Variants in RGS6 observed in about 807,000 individuals in gnomAD.
RGS6 encodes the protein regulator of G protein signaling 6.
In RGS6, 30 loss-of-function variants were observed where a neutral mutation model predicts 78.5. The observed-to-expected ratio is 0.38, with a 90% confidence interval of 0.29 to 0.52. The LOEUF (loss-of-function observed/expected upper bound fraction) is 0.52. RGS6 is among the 20% of genes least tolerant of loss of function. RGS6 has a pLI of 0.85. For synonymous variants in RGS6, 206 were observed against 206.0 expected (o/e 1.00, Z 0.00); for missense variants, 495 against 609.7 (o/e 0.81, Z 1.98).
At chr14:72,527,120 A>G (rs1266233450) in intron 15 of RGS6, among the ~76,000 whole-genome samples, 3 of 152,206 alleles carry the variant, frequency 2.0e-5, no homozygotes, top group Non-Finnish European at 4.4e-5. Flanking sequence ...CTGCCTGTTA[A>G]GTGAGAAACC....
At chr14:71,938,618 A>G (rs2089964087) in intron 1 of RGS6, among the ~76,000 whole-genome samples, 1 of 152,186 alleles carries the variant, frequency 6.6e-6, no homozygotes, top group African/African-American at 2.4e-5. Context: ...GACCATGGGC[A>G]CTTGAGCCAC....
intron 17 of RGS6, chr14:72,547,512 A>G (rs1469810620): frequency 3.2e-6 from 2 of 632,208 alleles, no homozygotes; most frequent in African/African-American, 3.7e-5. Flanking sequence ...GAAGGAGGCC[A>G]GGATACCTGT....
intron 2 of RGS6, among the ~76,000 whole-genome samples, chr14:72,342,744 A>C (rs2077273076): frequency 6.6e-6 from 1 of 151,582 alleles, no homozygotes; most frequent in Admixed American, 6.6e-5. Context: ...AAAAAAAAAA[A>C]AAAAAAGTTC....
chr14:72,456,238 G>A (rs957140176), intron 4 of RGS6, among the ~76,000 whole-genome samples: 2 of 152,186 alleles, frequency 1.3e-5, no homozygotes, highest in Admixed American at 6.5e-5. Flanking sequence ...GAAACAGTCA[G>A]ATCCAGCATC....
At chr14:72,000,556 G>A (rs766116541) in intron 2 of RGS6, among the ~76,000 whole-genome samples, 7 of 152,178 alleles carry the variant, frequency 4.6e-5, no homozygotes, top group Non-Finnish European at 8.8e-5. Context: ...CTCTGAGGGA[G>A]TGTGTACAGT....
intron 2 of RGS6, among the ~76,000 whole-genome samples, chr14:72,113,285 T>C (rs923448526): frequency 2.0e-5 from 3 of 152,216 alleles, no homozygotes; most frequent in African/African-American, 7.2e-5. Flanking sequence ...GTATTATCAG[T>C]CCCTTTTTCC....
chr14:71,987,648 T>C (rs542582145), intron 2 of RGS6, among the ~76,000 whole-genome samples: 3 of 152,096 alleles, frequency 2.0e-5, no homozygotes, highest in African/African-American at 4.8e-5. Context: ...AGCCTTCCCA[T>C]AGCTGGGACT....
At chr14:72,582,488 A>C in the RGS6 span, among the ~76,000 whole-genome samples, 4 of 152,236 alleles carry the variant, frequency 2.6e-5, no homozygotes, top group African/African-American at 9.6e-5. Flanking sequence ...AGGTGAGCAT[A>C]ACTGAGGATT....
intron 3 of RGS6, among the ~76,000 whole-genome samples, chr14:72,375,302 A>G (rs2084414776): frequency 6.6e-6 from 1 of 152,258 alleles, no homozygotes; most frequent in Admixed American, 6.5e-5. Context: ...CAAGCAGGAT[A>G]AAATGAAAAC....
At chr14:72,466,959 A>G (rs913854595) in intron 7 of RGS6, among the ~76,000 whole-genome samples, 1 of 152,124 alleles carries the variant, frequency 6.6e-6, no homozygotes, top group African/African-American at 2.4e-5. Context: ...ATAAGACAAG[A>G]TGTGTGTCAC....
chr14:72,397,937 G>A (rs952479305), intron 3 of RGS6, among the ~76,000 whole-genome samples: 8 of 152,130 alleles, frequency 5.3e-5, no homozygotes, highest in African/African-American at 1.9e-4. Flanking sequence ...TTGATGTGCT[G>A]CTGGATTCGG....
At chr14:72,062,276 A>G (rs6574041) in intron 2 of RGS6, among the ~76,000 whole-genome samples, 99,109 of 152,114 alleles carry the variant, frequency 0.65, 32,695 homozygotes, top group East Asian at 0.81. Flanking sequence ...AGAACAGCAA[A>G]GAGACCAGTG....
chr14:72,100,602 T>C (rs1448156544), intron 2 of RGS6, among the ~76,000 whole-genome samples: 1 of 152,246 alleles, frequency 6.6e-6, no homozygotes, highest in Non-Finnish European at 1.5e-5. Context: ...ACTCTGTGAC[T>C]TTCAGTTGAA....
intron 2 of RGS6, among the ~76,000 whole-genome samples, chr14:72,310,309 C>G (rs1028228194): frequency 2.0e-5 from 3 of 152,230 alleles, no homozygotes; most frequent in Non-Finnish European, 4.4e-5. Context: ...GGGTTTGTTT[C>G]TCTCCTCTGT....
chr14:72,444,882 C>CCACCTGTTCAACCCTGGGG (rs1190162599), intron 3 of RGS6, among the ~76,000 whole-genome samples: 10 of 152,000 alleles, frequency 6.6e-5, no homozygotes, highest in East Asian at 1.9e-4. Context: ...TGTTCAAGAC[C>CCACCTGTTCAACCCTGGGG]ACGTCAGAAT....
the RGS6 span, among the ~76,000 whole-genome samples, chr14:72,601,464 G>T: frequency 2.0e-5 from 3 of 152,332 alleles, no homozygotes; most frequent in East Asian, 5.8e-4. Context: ...CTCAGCCCCA[G>T]GCACTCCTGC....
chr14:72,605,161 C>T, the RGS6 span, among the ~76,000 whole-genome samples: 3 of 152,300 alleles, frequency 2.0e-5, no homozygotes, highest in South Asian at 6.2e-4. Context: ...CCATTCCACT[C>T]CATGCTGTGG....
chr14:72,588,941 G>A, the RGS6 span, among the ~76,000 whole-genome samples: 15 of 152,112 alleles, frequency 9.9e-5, no homozygotes, highest in South Asian at 4.2e-4. Context: ...CTGCCAGCAT[G>A]CCCCCCCAAC....
chr14:72,345,642 C>G (rs1397205441), intron 2 of RGS6, among the ~76,000 whole-genome samples: 1 of 152,190 alleles, frequency 6.6e-6, no homozygotes, highest in Non-Finnish European at 1.5e-5. Context: ...TCCAACACAG[C>G]CTTAACTGTA....
Sources: allele counts gnomAD v4.1 joint callset (sites outside exome capture counted in the v4.1 genomes callset), GRCh38; gene constraint gnomAD v4.1.1; transcripts MANE v1.5; gene names NCBI Gene and HGNC (gene_info 2026-07-23, HGNC 2026-07-21).